Variants in SPG11 observed in about 807,000 individuals in gnomAD.
The protein encoded by SPG11 is SPG11 vesicle trafficking associated, spatacsin.
In SPG11, 222 loss-of-function variants were observed where a neutral mutation model predicts 274.0. The observed-to-expected ratio is 0.81, with a 90% CI of 0.73 to 0.91. The LOEUF (loss-of-function observed/expected upper bound fraction) is 0.91. SPG11 is among the 40% of genes least tolerant of loss of function. The pLI, the probability that SPG11 is intolerant of heterozygous loss-of-function variation, is 0.00. For missense variants in SPG11, 3,114 were observed against 2,872.7 expected (o/e 1.08, Z -1.92); for synonymous variants, 1,144 against 1,039.7 (o/e 1.10, Z -1.93).
rs774288495 is a variant in SPG11, at chr15:44,626,511, G to A, written c.2068-4C>T. On this transcript the variant is annotated splice_region_variant and splice_polypyrimidine_tract_variant and intron_variant, in intron 10 of 39. Transcript: ENST00000261866. ...AAATGGCGCTGGCAATAACTTCCTA[G>A]GAAAAGAAAAACGTTTGCCTTTTAA... is the stretch of plus-strand genomic sequence containing the variant. The A allele has an allele frequency of 2.1e-5, 34 of 1,613,146 alleles. No individual in the cohort carries two copies. The highest frequency in any genetic ancestry group is 2.7e-5 in the Non-Finnish European group (32 of 1,179,760).
At chr15:44,595,930 T>C in intron 25 of SPG11, 153 bp downstream of exon 25, 1 of 1,030,524 alleles carries the variant, frequency 9.7e-7, no homozygotes, top group Admixed American at 2.0e-5. Context: ...GAGCCTAAGC[T>C]AGAGAAGCAC....
chr15:44,567,841 A>C (rs1055652832), intron 35 of SPG11, among the ~76,000 whole-genome samples: 1 of 152,232 alleles, frequency 6.6e-6, no homozygotes, highest in African/African-American at 2.4e-5. Flanking sequence ...GCATAAGCTG[A>C]TCTAACAATT....
At chr15:44,563,381 C>G in intron 39 of SPG11, 80 bp from the exon 40 acceptor site, 1 of 1,355,918 alleles carries the variant, frequency 7.4e-7, no homozygotes, top group South Asian at 1.2e-5. Flanking sequence ...CTCTGTTGCC[C>G]AGGCTGGAGT....
In SPG11 at chr15:44,606,056, G is replaced by C; in HGVS notation, c.3489C>G (p.Gly1163=). Residue 1163 remains glycine, a synonymous_variant, in exon 20 of 40, where the codon GGC becomes GGG. Transcript: ENST00000261866. Reference sequence around the variant, plus strand: ...TAGCTAGTGTGTTAGCAGACTGCCAGCCAAACAATCTGCTAGGATCAAAGG... The same window carrying C: ...TAGCTAGTGTGTTAGCAGACTGCCACCCAAACAATCTGCTAGGATCAAAGG... ...LSPFDPSRLF[G]WQSANTLAIG... is the part of the protein sequence containing the mutation. The C allele has an allele frequency of 6.2e-7, 1 of 1,613,692 alleles. No homozygotes were observed. The highest frequency in any genetic ancestry group is 8.5e-7 in the Non-Finnish European group (1 of 1,179,794).
intron 35 of SPG11, among the ~76,000 whole-genome samples, chr15:44,568,633 T>A (rs1379850570): frequency 2.0e-5 from 3 of 152,208 alleles, no homozygotes; most frequent in Admixed American, 2.0e-4. Flanking sequence ...CTGTTCATCA[T>A]CATAAATGGC....
At chr15:44,662,814 G>C (rs536578851) in intron 1 of SPG11, among the ~76,000 whole-genome samples, 4 of 152,110 alleles carry the variant, frequency 2.6e-5, no homozygotes, top group Admixed American at 6.5e-5. Context: ...TGCGCGCCTC[G>C]CAAGAAAGAA....
chr15:44,565,734 T>C, intron 38 of SPG11, 120 bp downstream of exon 38: 1 of 1,275,140 alleles, frequency 7.8e-7, no homozygotes, highest in Non-Finnish European at 1.1e-6. Context: ...GAGAGTTAAA[T>C]CAGAACTGTA....
intron 27 of SPG11, 29 bp downstream of exon 27, chr15:44,592,302 T>G: frequency 1.5e-6 from 2 of 1,363,506 alleles, no homozygotes; most frequent in Non-Finnish European, 1.1e-6. Flanking sequence ...TGCAGATCAG[T>G]GAGAAAGAGC....
intron 30 of SPG11, among the ~76,000 whole-genome samples, chr15:44,578,181 C>T (rs1252314195): frequency 2.0e-5 from 3 of 150,670 alleles, no homozygotes; most frequent in African/African-American, 4.9e-5. Flanking sequence ...CCCGCCACCA[C>T]GCGTGGCTAT....
intron 22 of SPG11, 111 bp from the exon 23 acceptor site, chr15:44,598,484 A>G: frequency 7.9e-7 from 1 of 1,269,854 alleles, no homozygotes; most frequent in Non-Finnish European, 1.1e-6. Flanking sequence ...TAAAGTGCCC[A>G]AGAAAGTGAG....
intron 28 of SPG11, chr15:44,588,638 C>T (rs1189133853): frequency 2.3e-6 from 1 of 439,254 alleles, no homozygotes; most frequent in Admixed American, 2.4e-5. Flanking sequence ...ATCCTCTTTA[C>T]CTTTAGTTGA....
intron 4 of SPG11, among the ~76,000 whole-genome samples, chr15:44,653,800 T>C (rs1366502917): frequency 6.6e-6 from 1 of 152,154 alleles, no homozygotes; most frequent in Non-Finnish European, 1.5e-5. Flanking sequence ...AAACTGCAGA[T>C]AGTACCAAAC....
intron 35 of SPG11, among the ~76,000 whole-genome samples, chr15:44,568,698 A>G (rs2082356061): frequency 6.6e-6 from 1 of 151,998 alleles, no homozygotes; most frequent in Non-Finnish European, 1.5e-5. Flanking sequence ...GGCTCTTAGC[A>G]GCACAATTTT....
At chr15:44,619,326 G>A (rs1345805812) in intron 15 of SPG11, among the ~76,000 whole-genome samples, 1 of 152,170 alleles carries the variant, frequency 6.6e-6, no homozygotes, top group Non-Finnish European at 1.5e-5. Context: ...ATTTCAACAG[G>A]TTAGAAAGAT....
intron 35 of SPG11, among the ~76,000 whole-genome samples, chr15:44,568,104 A>C: frequency 6.6e-6 from 1 of 152,324 alleles, no homozygotes; most frequent in Non-Finnish European, 1.5e-5. Flanking sequence ...TAAAATAATT[A>C]TATATAGATG....
At position 44,629,279 on chromosome 15, in the gene SPG11, C is replaced by A. The variant is rs2083990050; in HGVS notation, c.1845G>T (p.Leu615=). 1 of 1,613,984 alleles carries A rather than the reference C, an allele frequency of 6.2e-7. No individual in the cohort carries two copies. The highest frequency in any genetic ancestry group is 1.3e-5 in the African/African-American group (1 of 74,922). Residue 615 remains leucine (L), a synonymous_variant, in exon 9 of 40, where the codon CTG becomes CTT. Transcript: ENST00000261866. ...CCTTTATTTGGTTGTTAAGGAAAGA[C>A]AGTGTAAGATTAAGCAATTGTTCTG... ...HFSEQLLNLT[L]SFLNNQIKEL...
intron 20 of SPG11, among the ~76,000 whole-genome samples, chr15:44,603,133 C>T (rs1343448347): frequency 1.3e-5 from 2 of 150,572 alleles, no homozygotes; most frequent in East Asian, 3.9e-4. Context: ...TAGCTCACTG[C>T]AGCCTTGACT....
Position 44,621,957 on chromosome 15 carries a change from T to C in SPG11, c.2445-23A>G, listed in dbSNP as rs1264451605. Reference sequence around the variant, plus strand: ...TACCTAAAAACAGTGATATAAATTTTTTTTTTTTTAATTTTGGAGAAAAAG... The same window carrying C: ...TACCTAAAAACAGTGATATAAATTTCTTTTTTTTTAATTTTGGAGAAAAAG... On this transcript the variant is annotated intron_variant, in intron 13 of 39. Coordinates refer to ENST00000261866, the MANE Select transcript of SPG11 (RefSeq NM_025137.4). 3 of 1,573,390 alleles carry C rather than the reference T, an allele frequency of 1.9e-6. No individual in the cohort carries two copies. The African/African-American group carries it at 4.1e-5, about 22-fold the overall frequency.
chr15:44,620,703 T>C (rs2083720627), intron 14 of SPG11: 1 of 132,016 alleles, frequency 7.6e-6, no homozygotes, highest in Non-Finnish European at 1.4e-5. Flanking sequence ...ACCAGGTAAA[T>C]TTTTTTTTTT....
Sources: gnomAD v4.1 joint callset for allele counts (sites outside exome capture counted in the v4.1 genomes callset) on GRCh38, gnomAD v4.1.1 for gene constraint, MANE v1.5 for transcripts, NCBI Gene and HGNC (gene_info 2026-07-23, HGNC 2026-07-21) for gene names.